The following SLIT2 variants were observed in gnomAD, a reference collection of about 807,000 sequenced individuals.
SLIT2 encodes the protein slit guidance ligand 2.
A neutral mutation model predicts 185.7 loss-of-function variants in SLIT2; 41 were observed. The observed-to-expected ratio is 0.22, with a 90% CI of 0.17 to 0.29. SLIT2 has a LOEUF of 0.29. Among genes scored for constraint, SLIT2 ranks in the 10% least tolerant of loss-of-function variants. The pLI is 1.00. For synonymous variants in SLIT2, 693 were observed against 680.2 expected, an observed-to-expected ratio of 1.02 and a Z score of -0.29; for missense variants, 1,571 against 1,909.0, an observed-to-expected ratio of 0.82 and a Z score of 3.30.
chr4:20,347,601 A>T (rs1721535350), intron 4 of SLIT2, among the ~76,000 whole-genome samples: 1 of 152,200 alleles, frequency 6.6e-6, no homozygotes, highest in Admixed American at 6.5e-5. Flanking sequence ...AGGAATCCTT[A>T]AGAGTTTTGC....
intron 4 of SLIT2, among the ~76,000 whole-genome samples, chr4:20,305,291 G>A (rs1717433959): frequency 6.6e-6 from 1 of 152,110 alleles, no homozygotes; most frequent in African/African-American, 2.4e-5. Context: ...AAAAAGAACA[G>A]AAAATAAATG....
chr4:20,434,529 T>C (rs1232430547), intron 4 of SLIT2, among the ~76,000 whole-genome samples: 2 of 152,068 alleles, frequency 1.3e-5, no homozygotes, highest in Non-Finnish European at 2.9e-5. Flanking sequence ...GGGATGGCTT[T>C]TATAGTGTCT....
intron 33 of SLIT2, among the ~76,000 whole-genome samples, chr4:20,599,394 C>G (rs1237225419): frequency 6.6e-6 from 1 of 152,070 alleles, no homozygotes; most frequent in Admixed American, 6.5e-5. Flanking sequence ...TCACAAACTC[C>G]TAAGTAGTCA....
intron 4 of SLIT2, among the ~76,000 whole-genome samples, chr4:20,297,680 TA>T (rs200389053): frequency 2.0e-5 from 3 of 148,308 alleles, no homozygotes; most frequent in African/African-American, 4.9e-5. Context: ...TTGCTAATTT[TA>T]AAAAAAATCT....
At chr4:20,411,856 C>T (rs1319280773) in intron 4 of SLIT2, among the ~76,000 whole-genome samples, 1 of 152,026 alleles carries the variant, frequency 6.6e-6, no homozygotes, top group Non-Finnish European at 1.5e-5. Context: ...GAAAACTCTT[C>T]GGTGTGCACT....
chr4:20,403,565 T>C (rs565143771), intron 4 of SLIT2, among the ~76,000 whole-genome samples: 1 of 152,090 alleles, frequency 6.6e-6, no homozygotes, highest in Non-Finnish European at 1.5e-5. Context: ...GGAAATTGAA[T>C]TGAGAAAAGA....
intron 15 of SLIT2, among the ~76,000 whole-genome samples, chr4:20,525,829 T>A (rs1721238244): frequency 6.6e-6 from 1 of 152,132 alleles, no homozygotes; most frequent in Admixed American, 6.5e-5. Flanking sequence ...CATCAGAAGT[T>A]CATGGGCACA....
chr4:20,463,515 ATGTGTG>A lies in SLIT2; in HGVS notation c.396-4211_396-4206del, dbSNP rs375793654. Among the ~76,000 whole-genome samples, 111 of 112,338 alleles carry A rather than the reference ATGTGTG, an allele frequency of 9.9e-4. 1 individual carries two copies. The highest frequency in any genetic ancestry group is 2.9e-3 in the African/African-American group (86 of 29,682). The allele number at this position is 112,338 out of a possible 152,430, so 73.7% of individuals were successfully genotyped here. A position where few individuals can be genotyped will look rare whatever the true frequency, so the allele number is the denominator to read the frequency against. On this transcript the variant is annotated intron_variant, in intron 4 of 36. Coordinates refer to ENST00000504154, the MANE Select transcript of SLIT2 (RefSeq NM_004787.4). ...TATGTGTGTGTGCGTATATCCATATATGTGTGTGTGTGTGTGTGTGTGTGTGTGTGT... is the reference window on the plus strand; with the variant it reads ...TATGTGTGTGTGCGTATATCCATATATGTGTGTGTGTGTGTGTGTGTGTGT...
rs749122442 is a variant in SLIT2 at position 20,589,741 on chromosome 4, A to G, written c.3182+4A>G. ...TCCTAACTCCAAAGGGATTCAAGTA[A>G]GTCAAAAGCTACCTTTTTGCTCACA... is the stretch of plus-strand genomic sequence containing the variant. On this transcript the variant is annotated splice_donor_region_variant and intron_variant, in intron 30 of 36. Coordinates refer to ENST00000504154, the MANE Select transcript of SLIT2 (RefSeq NM_004787.4). 1 of 1,610,330 alleles carries G rather than the reference A, an allele frequency of 6.2e-7. No individual in the cohort carries two copies. Among genetic ancestry groups the G allele is most frequent in the South Asian group, 1.1e-5 (1 of 90,598 alleles).
intron 26 of SLIT2, among the ~76,000 whole-genome samples, chr4:20,566,553 CA>C (rs1291174385): frequency 6.6e-6 from 1 of 151,992 alleles, no homozygotes; most frequent in Non-Finnish European, 1.5e-5. Flanking sequence ...AGATGTCTCC[CA>C]AAACATGATT....
At chr4:20,347,823 A>G in intron 4 of SLIT2, among the ~76,000 whole-genome samples, 1 of 152,236 alleles carries the variant, frequency 6.6e-6, no homozygotes, top group East Asian at 1.9e-4. Context: ...GAAGAGAAGT[A>G]AAGCTCATAG....
chr4:20,487,645 T>G (rs1717371387), intron 7 of SLIT2, among the ~76,000 whole-genome samples: 1 of 152,178 alleles, frequency 6.6e-6, no homozygotes. Flanking sequence ...GAACTTCAAC[T>G]TCCAAGCAAA....
rs1262426555 is a variant in SLIT2 at position 20,539,521 on chromosome 4, A to G, written c.1913A>G (p.Tyr638Cys). ...AGTTCTGTGCGTTTGCTTTCTTTGT[A>G]TGATAATCAAATTACTACAGTTGCA... Reference protein sequence around the residue: ...GLSSVRLLSLYDNQITTVAPG... With the variant: ...GLSSVRLLSLCDNQITTVAPG... Residue 638 changes from tyrosine (Y) to cysteine (C), a missense_variant, in exon 19 of 37, where the codon TAT becomes TGT. Tyr to Cys is a radical substitution (Grantham distance 194). Around this residue, in one of 3 missense-constraint regions of SLIT2, gnomAD observed 1,202 missense variants for 1,416.4 expected, o/e 0.85. Transcript: ENST00000504154. 14 of 1,612,978 alleles carry G rather than the reference A, an allele frequency of 8.7e-6. No homozygotes were observed. Among genetic ancestry groups the G allele is most frequent in the Non-Finnish European group, 1.2e-5 (14 of 1,179,038 alleles).
intron 20 of SLIT2, among the ~76,000 whole-genome samples, chr4:20,541,999 T>C (rs1008913150): frequency 2.0e-5 from 3 of 152,206 alleles, no homozygotes; most frequent in African/African-American, 7.2e-5. Flanking sequence ...TTGTCACTTT[T>C]TAATGCTCTT....
rs1722073034 is a variant in SLIT2 at position 20,251,946 on chromosome 4, T to G, written c.-1870T>G. ...TTGGGAAGCGCCCGGACGGCGGAGC[T>G]TGGCGGCGGCGGTGGTGGTGGCTGC... is the stretch of plus-strand genomic sequence containing the variant. On this transcript the variant is annotated 5_prime_UTR_variant, in exon 1 of 37. Coordinates refer to ENST00000504154, the MANE Select transcript of SLIT2 (RefSeq NM_004787.4). Among the ~76,000 whole-genome samples the G allele has an allele frequency of 6.6e-6, 1 of 151,944 alleles. No homozygotes were observed. The highest frequency in any genetic ancestry group is 1.5e-5 in the Non-Finnish European group (1 of 67,946).
At chr4:20,344,454 G>C (rs1721218866) in intron 4 of SLIT2, among the ~76,000 whole-genome samples, 1 of 152,048 alleles carries the variant, frequency 6.6e-6, no homozygotes, top group East Asian at 1.9e-4. Context: ...CATTCTCTCT[G>C]TCTTTCTGCC....
chr4:20,584,656 A>T (rs1052893300), intron 29 of SLIT2, among the ~76,000 whole-genome samples: 1 of 152,252 alleles, frequency 6.6e-6, no homozygotes, highest in African/African-American at 2.4e-5. Flanking sequence ...AAGAGTGGGT[A>T]TCACTTTTGG....
At chr4:20,617,738 A>G in intron 36 of SLIT2, 88 bp downstream of exon 36, 1 of 852,404 alleles carries the variant, frequency 1.2e-6, no homozygotes, top group Non-Finnish European at 1.8e-6. Flanking sequence ...AAAGTGAAAA[A>G]AAAAAAAAAA....
intron 4 of SLIT2, among the ~76,000 whole-genome samples, chr4:20,308,428 T>C (rs554160953): frequency 1.3e-5 from 2 of 152,328 alleles, no homozygotes; most frequent in South Asian, 2.1e-4. Flanking sequence ...TGATTTATAC[T>C]GCAGTGGTAA....
Sources: allele counts gnomAD v4.1 joint callset (sites outside exome capture counted in the v4.1 genomes callset), GRCh38; gene constraint gnomAD v4.1.1; regional missense constraint gnomAD v4.1.1; transcripts MANE v1.5; gene names NCBI Gene and HGNC (gene_info 2026-07-23, HGNC 2026-07-21).